Variants in HTR7 observed in about 807,000 individuals in gnomAD.
HTR7 encodes 5-hydroxytryptamine receptor 7.
Under a neutral mutation model 34.0 loss-of-function variants are expected in HTR7, and 16 were observed. That is an observed-to-expected ratio of 0.47 (90% confidence interval 0.32 to 0.71). The LOEUF (loss-of-function observed/expected upper bound fraction) is 0.71. HTR7 is among the 30% of genes least tolerant of loss of function. The pLI, the probability that HTR7 is intolerant of heterozygous loss-of-function variation, is 0.04. For synonymous variants in HTR7, 265 were observed against 260.2 expected (o/e 1.02, Z -0.18); for missense variants, 504 against 625.5 (o/e 0.81, Z 2.07).
intron 1 of HTR7, among the ~76,000 whole-genome samples, chr10:90,777,286 G>A (rs1845231855): frequency 6.6e-6 from 1 of 152,112 alleles, no homozygotes; most frequent in East Asian, 1.9e-4. Context: ...TTTGAGACCA[G>A]CCTGACCAAC....
intron 1 of HTR7, among the ~76,000 whole-genome samples, chr10:90,760,457 T>C (rs1844917674): frequency 6.6e-6 from 1 of 152,214 alleles, no homozygotes; most frequent in African/African-American, 2.4e-5. Context: ...TAGTTAACAA[T>C]GCATATATAG....
At chr10:90,853,038 G>A (rs1009043274) in intron 1 of HTR7, among the ~76,000 whole-genome samples, 1 of 145,470 alleles carries the variant, frequency 6.9e-6, no homozygotes, top group African/African-American at 2.6e-5. Context: ...TTATACAAAG[G>A]ATAATAAGTC....
chr10:90,785,716 A>G (rs1208922677), intron 1 of HTR7, among the ~76,000 whole-genome samples: 1 of 152,238 alleles, frequency 6.6e-6, no homozygotes, highest in East Asian at 1.9e-4. Context: ...GTATTTTAAG[A>G]AATACTATGG....
intron 2 of HTR7, chr10:90,744,014 CA>C: frequency 2.1e-6 from 1 of 482,300 alleles, no homozygotes; most frequent in Non-Finnish European, 4.0e-6. Flanking sequence ...CAGGTTTGTA[CA>C]GGAAAGAAAG....
chr10:90,772,121 G>A (rs922946810), intron 1 of HTR7, among the ~76,000 whole-genome samples: 1 of 152,130 alleles, frequency 6.6e-6, no homozygotes, highest in Non-Finnish European at 1.5e-5. Flanking sequence ...TATTCAGACA[G>A]TAGTCAAATT....
At chr10:90,804,504 C>T (rs1845673774) in intron 1 of HTR7, among the ~76,000 whole-genome samples, 1 of 152,136 alleles carries the variant, frequency 6.6e-6, no homozygotes, top group Non-Finnish European at 1.5e-5. Context: ...AAAGGCACTC[C>T]CCCCAGCTCC....
chr10:90,854,909 T>A (rs747090880), intron 1 of HTR7, among the ~76,000 whole-genome samples: 4 of 150,496 alleles, frequency 2.7e-5, no homozygotes, highest in African/African-American at 9.8e-5. Flanking sequence ...GGAATGAAGA[T>A]TTTTTTTTTA....
rs1180407242 is a variant in HTR7, at chr10:90,741,214, C to T, written c.*1268G>A. On this transcript the variant is annotated 3_prime_UTR_variant, in exon 4 of 4. Coordinates refer to ENST00000336152, the MANE Select transcript of HTR7 (RefSeq NM_019859.4). The stretch of plus-strand genomic sequence containing the variant: ...ATAAAGAATTGCATTCATTTTTCCC[C>T]TTGTAGGTACAGGTACTCTTCTATT... The T allele has an allele frequency of 6.6e-6, 1 of 152,538 alleles. No individual in the cohort carries two copies. The highest frequency in any genetic ancestry group is 1.9e-4 in the East Asian group (1 of 5,186). The allele number at this position is 152,538 out of a possible 1,614,324, so 9.4% of individuals were successfully genotyped here.
chr10:90,836,447 T>C (rs897010957), intron 1 of HTR7, among the ~76,000 whole-genome samples: 15 of 152,204 alleles, frequency 9.9e-5, no homozygotes, highest in Non-Finnish European at 2.1e-4. Flanking sequence ...CAATGCTGCC[T>C]GTCAGTGGGT....
intron 1 of HTR7, among the ~76,000 whole-genome samples, chr10:90,828,179 C>T (rs184433048): frequency 2.3e-4 from 35 of 152,148 alleles, no homozygotes; most frequent in Admixed American, 4.6e-4. Flanking sequence ...AATGGAAACA[C>T]AACATATCAA....
chr10:90,743,484 A>G (rs1844586232), intron 3 of HTR7, 109 bp downstream of exon 3: 1 of 883,532 alleles, frequency 1.1e-6, no homozygotes, highest in South Asian at 1.4e-5. Context: ...CCAGCACAGG[A>G]GAGACAGTGC....
intron 1 of HTR7, among the ~76,000 whole-genome samples, chr10:90,769,056 C>A (rs1213454383): frequency 6.6e-6 from 1 of 152,144 alleles, no homozygotes; most frequent in Non-Finnish European, 1.5e-5. Context: ...AAAAATCCTG[C>A]AATTACTAAG....
chr10:90,792,265 T>C (rs1448789209), intron 1 of HTR7, among the ~76,000 whole-genome samples: 1 of 152,112 alleles, frequency 6.6e-6, no homozygotes, highest in African/African-American at 2.4e-5. Flanking sequence ...AGTTTATAGT[T>C]CTAAAGCCTT....
At chr10:90,840,694 A>T (rs545342664) in intron 1 of HTR7, among the ~76,000 whole-genome samples, 1 of 152,352 alleles carries the variant, frequency 6.6e-6, no homozygotes, top group East Asian at 1.9e-4. Context: ...TAATAAGTGT[A>T]ACAGCTCACA....
chr10:90,851,294 CA>C (rs2120125213), intron 1 of HTR7, among the ~76,000 whole-genome samples: 1 of 152,198 alleles, frequency 6.6e-6, no homozygotes, highest in South Asian at 2.1e-4. Flanking sequence ...ATTCCATACT[CA>C]GTGAAAATAT....
intron 1 of HTR7, among the ~76,000 whole-genome samples, chr10:90,805,472 G>A (rs1277716284): frequency 2.6e-5 from 4 of 152,174 alleles, no homozygotes; most frequent in Admixed American, 2.0e-4. Context: ...TAACTACAGG[G>A]AAGACAGTGT....
At chr10:90,829,549 T>C (rs1846132277) in intron 1 of HTR7, among the ~76,000 whole-genome samples, 1 of 152,054 alleles carries the variant, frequency 6.6e-6, no homozygotes, top group African/African-American at 2.4e-5. Flanking sequence ...CCCTGGTGTG[T>C]GATGTTCCCC....
intron 1 of HTR7, among the ~76,000 whole-genome samples, chr10:90,756,946 C>T (rs1682349940): frequency 1.3e-5 from 2 of 151,750 alleles, no homozygotes; most frequent in Admixed American, 6.6e-5. Context: ...TAGTAATGAC[C>T]CCTGAATTAT....
chr10:90,845,765 A>G (rs1249578598), intron 1 of HTR7, among the ~76,000 whole-genome samples: 2 of 152,212 alleles, frequency 1.3e-5, no homozygotes, highest in Admixed American at 6.5e-5. Flanking sequence ...GGCACTGCAC[A>G]TGATGGCTGG....
Sources: gnomAD v4.1 joint callset for allele counts (sites outside exome capture counted in the v4.1 genomes callset) on GRCh38, gnomAD v4.1.1 for gene constraint, MANE v1.5 for transcripts, NCBI Gene and HGNC (gene_info 2026-07-23, HGNC 2026-07-21) for gene names.